Variants in ADCY10 observed in about 807,000 individuals in gnomAD.
ADCY10 encodes adenylate cyclase type 10.
ADCY10 carries 156 observed loss-of-function variants against 183.3 expected under a neutral mutation model. That is an observed-to-expected ratio of 0.85 (90% CI 0.75 to 0.97). The LOEUF is 0.97. ADCY10 is among the 50% of genes least tolerant of loss of function. The pLI is 0.00. For synonymous variants in ADCY10, 645 were observed against 670.0 expected (o/e 0.96, Z 0.58); for missense variants, 1,745 against 1,934.3 (o/e 0.90, Z 1.84).
At chr1:167,842,602 A>AAG (rs1223561119) in intron 21 of ADCY10, among the ~76,000 whole-genome samples, 4 of 148,746 alleles carry the variant, frequency 2.7e-5, no homozygotes, top group Non-Finnish European at 5.9e-5. Context: ...AAAAAAAAAA[A>AAG]CGTTTCCTAG....
At position 167,865,149 on chromosome 1, in the gene ADCY10, T is replaced by G. The variant is rs557999537; in HGVS notation, c.1617-4086A>C. ...AGTACTATTGAAGAAACAGTTTATG[T>G]GCAAGGTGCATAAGAAAAGTAAAAT... On this transcript the variant is annotated intron_variant, in intron 14 of 32. Coordinates refer to ENST00000367851, the MANE Select transcript of ADCY10 (RefSeq NM_018417.6). 3.9e-5 allele frequency among the ~76,000 whole-genome samples: 6 copies of G among 152,306 alleles called. No homozygotes were observed. The South Asian group carries it at 1.2e-3, about 32-fold the overall frequency.
At position 167,854,422 on chromosome 1, in the gene ADCY10, G is replaced by C. The variant is rs766694828; in HGVS notation, c.2239C>G (p.His747Asp). The C allele has an allele frequency of 5.6e-6, 9 of 1,614,060 alleles. No individual in the cohort carries two copies. The highest frequency in any genetic ancestry group is 6.8e-6 in the Non-Finnish European group (8 of 1,180,026). Residue 747 changes from histidine to aspartate, a missense_variant, in exon 18 of 33, where the codon CAT becomes GAT. Physicochemically the swap from His to Asp is moderately conservative, Grantham distance 81. Transcript: ENST00000367851. ...GTTTGTTGGAAAACGAGTACCTCAT[G>C]ATGTTCCAGGTTTTTAAGCAATTCT... Reference protein sequence around the residue: ...CEELLKNLEHHEVLVFQQTES... With the variant: ...CEELLKNLEHDEVLVFQQTES...
intron 26 of ADCY10, among the ~76,000 whole-genome samples, 181 bp downstream of exon 26, chr1:167,829,084 TAA>T (rs1663522152): frequency 6.6e-6 from 1 of 152,224 alleles, no homozygotes; most frequent in Non-Finnish European, 1.5e-5. Context: ...CAATAATTTT[TAA>T]GAGTGTGAAG....
At chr1:167,849,565 G>A (rs1288022531) in intron 18 of ADCY10, among the ~76,000 whole-genome samples, 3 of 152,194 alleles carry the variant, frequency 2.0e-5, no homozygotes, top group Non-Finnish European at 4.4e-5. Flanking sequence ...TATTTATTAA[G>A]GACTTTCTGT....
intron 1 of ADCY10, among the ~76,000 whole-genome samples, chr1:167,910,475 G>A (rs74120535): frequency 0.017 from 2,540 of 152,276 alleles, 63 homozygotes; most frequent in African/African-American, 0.058. Context: ...AGTGGTGGAC[G>A]TGGGCTAAGT....
intron 17 of ADCY10, among the ~76,000 whole-genome samples, chr1:167,855,632 G>A (rs781338550): frequency 6.6e-6 from 1 of 152,190 alleles, no homozygotes; most frequent in Non-Finnish European, 1.5e-5. Flanking sequence ...TTTTCACTAA[G>A]CAAAGTTTAA....
chr1:167,850,662 C>CGT (rs35744623), intron 18 of ADCY10, among the ~76,000 whole-genome samples: 4,593 of 87,862 alleles, frequency 0.052, 94 homozygotes, highest in African/African-American at 0.068. Flanking sequence ...AAAAGGGGGC[C>CGT]GTGTGTGTGT....
intron 30 of ADCY10, among the ~76,000 whole-genome samples, chr1:167,819,247 A>ATTTTTTT (rs11454786): frequency 7.8e-6 from 1 of 128,324 alleles, no homozygotes; most frequent in Non-Finnish European, 1.6e-5. Context: ...AGAAAATCCG[A>ATTTTTTT]TTTTTTTTTT....
intron 6 of ADCY10, among the ~76,000 whole-genome samples, chr1:167,898,772 G>A (rs1410785867): frequency 1.3e-5 from 2 of 152,110 alleles, no homozygotes; most frequent in Admixed American, 1.3e-4. Flanking sequence ...ACCAGCATCT[G>A]CACGGATTCT....
intron 14 of ADCY10, among the ~76,000 whole-genome samples, chr1:167,865,602 G>A (rs1182774838): frequency 6.6e-6 from 1 of 152,056 alleles, no homozygotes; most frequent in Non-Finnish European, 1.5e-5. Context: ...AATATAAAAT[G>A]GTGTTTAGCT....
At chr1:167,897,556 GATGC>G (rs1557827369) in intron 6 of ADCY10, among the ~76,000 whole-genome samples, 4 of 14 alleles carry the variant, frequency 0.29, no homozygotes, top group Non-Finnish European at 0.5. Context: ...TGTTGTTGGA[GATGC>G]AGAAGAGATG....
chr1:167,829,679 T>TA (rs1392646147), intron 25 of ADCY10, among the ~76,000 whole-genome samples: 4 of 152,252 alleles, frequency 2.6e-5, no homozygotes, highest in Non-Finnish European at 4.4e-5. Flanking sequence ...CTGAGTCAGG[T>TA]AATTGCTAAA....
chr1:167,904,082 C>CTTTT lies in ADCY10; in HGVS notation c.149-95_149-92dup, dbSNP rs879025060. ...TACCCTGGAAGGCAGCGGGCCTCAGCTTTTTTTTTTTTTTTTTTTTTTTGA... is the reference window on the plus strand; with the variant it reads ...TACCCTGGAAGGCAGCGGGCCTCAGCTTTTTTTTTTTTTTTTTTTTTTTTTTTGA... On this transcript the variant is annotated intron_variant, in intron 2 of 32. Coordinates refer to ENST00000367851, the MANE Select transcript of ADCY10 (RefSeq NM_018417.6). 3.6e-4 allele frequency: 130 copies of CTTTT among 363,524 alleles called. 1 individual carries two copies. The highest frequency in any genetic ancestry group is 6.8e-4 in the South Asian group (29 of 42,544). 22.5% of individuals were successfully genotyped at this position (363,524 alleles called of 1,614,324 possible).
chr1:167,840,053 T>TAAA (rs576014779), intron 21 of ADCY10, among the ~76,000 whole-genome samples: 1 of 121,532 alleles, frequency 8.2e-6, no homozygotes, highest in Non-Finnish European at 1.8e-5. Flanking sequence ...GACCTGTCTA[T>TAAA]AAAAAAAAAA....
chr1:167,884,479 A>C (rs1668083408), intron 8 of ADCY10, among the ~76,000 whole-genome samples: 1 of 152,148 alleles, frequency 6.6e-6, no homozygotes, highest in Non-Finnish European at 1.5e-5. Context: ...ATTCAACATG[A>C]GATTTGGGAG....
chr1:167,896,594 C>A lies in ADCY10; in HGVS notation c.739+1G>T, dbSNP rs762291783. ...GGCATTTTTCCATGGTGGGTACTTA[C>A]TTTTGTGCTCACCAGAAGGATAATA... On this transcript the variant is annotated splice_donor_variant, in intron 7 of 32. Transcript: ENST00000367851. LOFTEE classifies it high-confidence loss of function. 22 of 1,607,936 alleles carry A rather than the reference C, an allele frequency of 1.4e-5. No homozygotes were observed. The Admixed American group carries it at 3.7e-4, about 27-fold the overall frequency.
intron 23 of ADCY10, among the ~76,000 whole-genome samples, chr1:167,834,990 T>G (rs1381092711): frequency 6.6e-6 from 1 of 152,230 alleles, no homozygotes; most frequent in Non-Finnish European, 1.5e-5. Flanking sequence ...ATTCTTAACA[T>G]AAATGTTTCA....
At chr1:167,841,609 G>C (rs1664650340) in intron 21 of ADCY10, among the ~76,000 whole-genome samples, 1 of 148,710 alleles carries the variant, frequency 6.7e-6, no homozygotes, top group Non-Finnish European at 1.5e-5. Context: ...TCGGGCTCAA[G>C]CAATACTCTT....
chr1:167,824,457 A>G lies in ADCY10; in HGVS notation c.4052+19T>C. ...CGGCCTCCTCCCCCTAATTTTGGAA[A>G]ATGCTTTAAGATAAATACCTGCTGT... On this transcript the variant is annotated intron_variant, in intron 28 of 32. Coordinates refer to ENST00000367851, the MANE Select transcript of ADCY10 (RefSeq NM_018417.6). 2 of 1,611,138 alleles carry G rather than the reference A, an allele frequency of 1.2e-6. No individual in the cohort carries two copies. Among genetic ancestry groups the G allele is most frequent in the Non-Finnish European group, 1.7e-6 (2 of 1,177,586 alleles).
Sources: allele counts gnomAD v4.1 joint callset (sites outside exome capture counted in the v4.1 genomes callset), GRCh38; gene constraint gnomAD v4.1.1; transcripts MANE v1.5; gene names NCBI Gene and HGNC (gene_info 2026-07-23, HGNC 2026-07-21).